The following FAM169A variants were observed in gnomAD, a reference collection of about 807,000 sequenced individuals.
FAM169A encodes the protein family with sequence similarity 169 member A.
Under a neutral mutation model 75.7 loss-of-function variants are expected in FAM169A, and 24 were observed. The observed-to-expected ratio is 0.32, with a 90% confidence interval of 0.23 to 0.45. The LOEUF is 0.45. Ranked by LOEUF, FAM169A falls within the 20% of genes least tolerant of loss-of-function variation. The probability of loss-of-function intolerance (pLI) is 1.00; values close to 1 mark genes in which losing one functional copy is unlikely to be tolerated. For missense variants in FAM169A, 673 were observed against 784.0 expected (o/e 0.86, Z 1.69); for synonymous variants, 271 against 271.0 (o/e 1.00, Z 0.00).
chr5:74,806,189 C>CA (rs1023726211), intron 6 of FAM169A, among the ~76,000 whole-genome samples: 5 of 151,560 alleles, frequency 3.3e-5, no homozygotes, highest in Admixed American at 1.3e-4. Context: ...AGAAAAATAC[C>CA]AAAAAACAAA....
intron 6 of FAM169A, among the ~76,000 whole-genome samples, chr5:74,806,437 TAAAAG>T (rs1355994416): frequency 1.3e-5 from 2 of 152,160 alleles, no homozygotes; most frequent in African/African-American, 4.8e-5. Flanking sequence ...ACAAAATGTT[TAAAAG>T]AAAACATAGG....
At chr5:74,799,417 C>G in intron 10 of FAM169A, 3 of 1,613,148 alleles carry the variant, frequency 1.9e-6, no homozygotes, top group East Asian at 2.2e-5. Context: ...AAAGCTGATT[C>G]GCTCCACAGT....
At position 74,828,720 on chromosome 5, in the gene FAM169A, T is replaced by C. The variant is rs917746104; in HGVS notation, c.490+5706A>G. 5.4e-4 allele frequency among the ~76,000 whole-genome samples: 82 copies of C among 152,330 alleles called. 1 individual carries two copies. The highest frequency in any genetic ancestry group is 2.0e-3 in the African/African-American group (82 of 41,564). ...ATCTTAGGATTCAGTTACTACATAA[T>C]CTACCCTTTTCCCAGATTATAAAGT... On this transcript the variant is annotated intron_variant, in intron 5 of 12. Transcript: ENST00000687041.
intron 10 of FAM169A, among the ~76,000 whole-genome samples, chr5:74,797,660 C>A (rs1434467424): frequency 1.3e-5 from 2 of 152,164 alleles, no homozygotes; most frequent in Non-Finnish European, 2.9e-5. Flanking sequence ...TTTAGTTGCA[C>A]TAGCCATACT....
At chr5:74,796,423 C>CTTG (rs1746278963) in intron 10 of FAM169A, among the ~76,000 whole-genome samples, 2 of 83,428 alleles carry the variant, frequency 2.4e-5, no homozygotes, top group Non-Finnish European at 4.9e-5. Context: ...TTTTTTTTTC[C>CTTG]GAGATAAAGT....
chr5:74,861,801 A>G (rs1750049360), intron 1 of FAM169A, among the ~76,000 whole-genome samples: 2 of 152,210 alleles, frequency 1.3e-5, no homozygotes, highest in Non-Finnish European at 1.5e-5. Flanking sequence ...ACAACTCTTC[A>G]TTGATATCAT....
At chr5:74,801,972 C>A (rs1207610269) in intron 8 of FAM169A, among the ~76,000 whole-genome samples, 1 of 152,060 alleles carries the variant, frequency 6.6e-6, no homozygotes, top group Non-Finnish European at 1.5e-5. Flanking sequence ...TCCAAACTTT[C>A]TTCCTGATTT....
At chr5:74,846,523 A>C (rs1749164325) in intron 1 of FAM169A, among the ~76,000 whole-genome samples, 2 of 152,246 alleles carry the variant, frequency 1.3e-5, no homozygotes, top group South Asian at 4.1e-4. Flanking sequence ...TGCTAATTTC[A>C]TATTTAAAAT....
rs753599963 is a variant in FAM169A at position 74,840,184 on chromosome 5, A to G, written c.133-11T>C. 2 of 1,347,810 alleles carry G rather than the reference A, an allele frequency of 1.5e-6. No individual in the cohort carries two copies. Among genetic ancestry groups the G allele is most frequent in the East Asian group, 4.7e-5 (2 of 42,262 alleles). 83.5% of individuals were successfully genotyped at this position (1,347,810 alleles called of 1,614,324 possible). ...CAGGCTAATAGGAATCTGAAATGACAAATTAATAAAGATTAGTGAACAGTC... is the reference window on the plus strand; with the variant it reads ...CAGGCTAATAGGAATCTGAAATGACGAATTAATAAAGATTAGTGAACAGTC... On this transcript the variant is annotated splice_polypyrimidine_tract_variant and intron_variant, in intron 2 of 12. Coordinates refer to ENST00000687041, the MANE Select transcript of FAM169A (RefSeq NM_001376049.1).
chr5:74,815,235 G>A (rs963940293), intron 5 of FAM169A, among the ~76,000 whole-genome samples: 3 of 151,354 alleles, frequency 2.0e-5, no homozygotes, highest in Admixed American at 6.6e-5. Context: ...TGTTGCCGAG[G>A]CTGGAGGGCA....
intron 5 of FAM169A, among the ~76,000 whole-genome samples, chr5:74,827,041 T>C (rs560015381): frequency 6.6e-6 from 1 of 152,262 alleles, no homozygotes; most frequent in South Asian, 2.1e-4. Flanking sequence ...AGATCATAAA[T>C]TTTGGGCAAA....
chr5:74,795,903 AT>A, intron 11 of FAM169A, 126 bp downstream of exon 11: 1 of 918,328 alleles, frequency 1.1e-6, no homozygotes. Context: ...AATATATATG[AT>A]TTTTAACACT....
rs531438307 is a variant in FAM169A at position 74,791,188 on chromosome 5, G to A, written c.1260+4842C>T. On this transcript the variant is annotated intron_variant, in intron 11 of 12. Coordinates refer to ENST00000687041, the MANE Select transcript of FAM169A (RefSeq NM_001376049.1). The stretch of plus-strand genomic sequence containing the variant: ...GTCCTTTTGAAGTCACAATTACAAC[G>A]CCAACTAGGTGATAATACTTAGCAG... Among the ~76,000 whole-genome samples, 9 of 152,260 alleles carry A rather than the reference G, an allele frequency of 5.9e-5. No individual in the cohort carries two copies. In the South Asian group the frequency reaches 6.2e-4, roughly 11 times the overall value.
chr5:74,812,614 T>C (rs1747260383), intron 6 of FAM169A, among the ~76,000 whole-genome samples: 1 of 152,108 alleles, frequency 6.6e-6, no homozygotes, highest in African/African-American at 2.4e-5. Flanking sequence ...AAATTTATTT[T>C]GTTAATTTTA....
intron 5 of FAM169A, among the ~76,000 whole-genome samples, chr5:74,830,744 C>A (rs962292780): frequency 3.3e-5 from 5 of 151,858 alleles, no homozygotes; most frequent in Non-Finnish European, 2.9e-5. Flanking sequence ...CAAGATAATG[C>A]CCAAACTTGA....
chr5:74,789,851 G>A (rs1378974161), intron 11 of FAM169A, among the ~76,000 whole-genome samples: 1 of 152,208 alleles, frequency 6.6e-6, no homozygotes, highest in Admixed American at 6.5e-5. Context: ...GCCATCTTCT[G>A]CAGATAACTG....
At chr5:74,838,734 A>G (rs1580148174) in intron 4 of FAM169A, among the ~76,000 whole-genome samples, 1 of 152,348 alleles carries the variant, frequency 6.6e-6, no homozygotes, top group East Asian at 1.9e-4. Flanking sequence ...CCAAAGCTCA[A>G]CTAACCCATA....
At chr5:74,810,154 A>G (rs1172080147) in intron 6 of FAM169A, among the ~76,000 whole-genome samples, 1 of 152,214 alleles carries the variant, frequency 6.6e-6, no homozygotes, top group Non-Finnish European at 1.5e-5. Context: ...TTAAAAAGGA[A>G]TGAAGTACTG....
Position 74,861,761 on chromosome 5 carries a change from A to C in FAM169A, c.-4+4404T>G, listed in dbSNP as rs543498292. 6.6e-5 allele frequency among the ~76,000 whole-genome samples: 10 copies of C among 152,332 alleles called. No homozygotes were observed. The South Asian group carries it at 1.9e-3, about 28-fold the overall frequency. On this transcript the variant is annotated intron_variant, in intron 1 of 12. Coordinates refer to ENST00000687041, the MANE Select transcript of FAM169A (RefSeq NM_001376049.1). ...CAACCACCTACCCAGTTGTATGCTA[A>C]AACTTATTGAAGTCATCCTTTCCCT... is the stretch of plus-strand genomic sequence containing the variant.
Sources: allele counts gnomAD v4.1 joint callset (sites outside exome capture counted in the v4.1 genomes callset), GRCh38; gene constraint gnomAD v4.1.1; transcripts MANE v1.5; gene names NCBI Gene and HGNC (gene_info 2026-07-23, HGNC 2026-07-21).